Variants in ANKRD28 observed in about 807,000 individuals in gnomAD.
The protein encoded by ANKRD28 is serine/threonine-protein phosphatase 6 regulatory ankyrin repeat subunit A.
ANKRD28 carries 44 observed loss-of-function variants against 126.5 expected under a neutral mutation model. That is an observed-to-expected ratio of 0.35 (90% CI 0.27 to 0.45). The LOEUF (loss-of-function observed/expected upper bound fraction) is 0.45, where lower values mean the gene tolerates loss of function less well. Among genes scored for constraint, ANKRD28 ranks in the 20% least tolerant of loss-of-function variants. ANKRD28 has a pLI of 1.00. For synonymous variants in ANKRD28, 442 were observed against 468.5 expected (o/e 0.94, Z 0.73); for missense variants, 1,110 against 1,316.6 (o/e 0.84, Z 2.43).
chr3:15,819,639 A>C (rs1458039035), intron 1 of ANKRD28, among the ~76,000 whole-genome samples: 2 of 152,242 alleles, frequency 1.3e-5, no homozygotes, highest in Non-Finnish European at 2.9e-5. Context: ...TATTCCTTGT[A>C]AATCATGAAC....
At chr3:15,694,392 C>T (rs1260699892) in intron 17 of ANKRD28, among the ~76,000 whole-genome samples, 1 of 152,086 alleles carries the variant, frequency 6.6e-6, no homozygotes, top group Admixed American at 6.5e-5. Flanking sequence ...ATCTGCTTAG[C>T]CAACTTATAA....
Position 15,797,514 on chromosome 3 carries a change from A to C in ANKRD28, c.-993T>G, listed in dbSNP as rs2060330720. ...ACAAGCAGGCTGTGAAGGAATTAGA[A>C]GGCATTTGAGCTCAAATTACTGCTT... On this transcript the variant is annotated 5_prime_UTR_variant, in exon 1 of 28. Coordinates refer to ENST00000683139, the MANE Select transcript of ANKRD28 (RefSeq NM_001349278.2). The C allele has an allele frequency of 6.1e-6, 6 of 985,196 alleles. No homozygotes were observed. Among genetic ancestry groups the C allele is most frequent in the Non-Finnish European group, 7.2e-6 (6 of 829,910 alleles). The allele number at this position is 985,196 out of a possible 1,614,324, so 61.0% of individuals were successfully genotyped here. A position where few individuals can be genotyped will look rare whatever the true frequency, so the allele number is the denominator to read the frequency against.
intron 18 of ANKRD28, among the ~76,000 whole-genome samples, chr3:15,689,160 T>C (rs1220376468): frequency 6.6e-6 from 1 of 152,204 alleles, no homozygotes; most frequent in African/African-American, 2.4e-5. Flanking sequence ...GTAATCTCCT[T>C]GGGTCTGGAA....
chr3:15,762,146 C>T (rs2058490660), intron 3 of ANKRD28, among the ~76,000 whole-genome samples: 1 of 137,878 alleles, frequency 7.3e-6, no homozygotes, highest in Non-Finnish European at 1.6e-5. Flanking sequence ...AGAGATGGTG[C>T]CACTGCCCTC....
rs1210582409 is a variant in ANKRD28, at chr3:15,815,235, C to G, written c.28-19929G>C. 6.6e-6 allele frequency among the ~76,000 whole-genome samples: 1 copy of G among 152,098 alleles called. No homozygotes were observed. The highest frequency in any genetic ancestry group is 1.5e-5 in the Non-Finnish European group (1 of 68,006). ...TAAAAAATTATGGAGCCATAATTCT[C>G]AAGTGCAATGACCTAGAAAGAACAA... On this transcript the variant is annotated intron_variant, in intron 1 of 27. Transcript: ENST00000399451. The surrounding 1 kb of genome is among the most constrained non-coding windows in gnomAD (Gnocchi z 4.1).
chr3:15,835,083 G>C (rs2061293675), intron 1 of ANKRD28, among the ~76,000 whole-genome samples: 1 of 152,164 alleles, frequency 6.6e-6, no homozygotes, highest in African/African-American at 2.4e-5. Context: ...GGGAGATGGA[G>C]GTTGCAGTGA....
rs530691852 is a variant in ANKRD28, at chr3:15,817,609, G to A, written c.28-22303C>T. On this transcript the variant is annotated intron_variant, in intron 1 of 27. Transcript: ENST00000399451. This position sits in a 1 kb window ranked among gnomAD's most constrained non-coding sequence, Gnocchi z 4.5. Reference sequence around the variant, plus strand: ...ATGAGGAAAACTGGAGGGCAACCTAGTAAATAAAATTAACTAAGATTCCTT... The same window carrying A: ...ATGAGGAAAACTGGAGGGCAACCTAATAAATAAAATTAACTAAGATTCCTT... Among the ~76,000 whole-genome samples the A allele has an allele frequency of 4.6e-5, 7 of 152,230 alleles. No individual in the cohort carries two copies. In the South Asian group the frequency reaches 1.5e-3, roughly 32 times the overall value.
At chr3:15,678,394 A>C (rs1473385118) in intron 23 of ANKRD28, 40 bp from the exon 24 acceptor site, 9 of 1,546,008 alleles carry the variant, frequency 5.8e-6, no homozygotes, top group Non-Finnish European at 7.9e-6. Flanking sequence ...CTAAATTTGA[A>C]TGTTATATAT....
chr3:15,782,242 G>C (rs2059573072), intron 2 of ANKRD28, among the ~76,000 whole-genome samples: 1 of 152,076 alleles, frequency 6.6e-6, no homozygotes, highest in East Asian at 1.9e-4. Flanking sequence ...AGCCAGTTAG[G>C]GAAAACTAAT....
chr3:15,683,543 A>C (rs2067767836), intron 21 of ANKRD28, among the ~76,000 whole-genome samples: 1 of 152,212 alleles, frequency 6.6e-6, no homozygotes, highest in Non-Finnish European at 1.5e-5. Flanking sequence ...AAAAACAAAG[A>C]GACTAAACTA....
At chr3:15,792,899 G>C (rs2060101785) in intron 2 of ANKRD28, among the ~76,000 whole-genome samples, 1 of 152,018 alleles carries the variant, frequency 6.6e-6, no homozygotes, top group Non-Finnish European at 1.5e-5. Context: ...TATTAGGTGT[G>C]TTACTAAGAA....
rs941454965 is a variant in ANKRD28 at position 15,695,183 on chromosome 3, C to T, written c.1686+5G>A. 1.1e-5 allele frequency: 17 copies of T among 1,594,016 alleles called. No individual in the cohort carries two copies. The highest frequency in any genetic ancestry group is 1.3e-5 in the African/African-American group (1 of 74,604). On this transcript the variant is annotated splice_donor_5th_base_variant and intron_variant, in intron 16 of 27. Transcript: ENST00000683139. ...ATTGGTGGGAGGGAATTGACTAATA[C>T]TTACAACATCTAGAGGAGTTTCACT...
rs547748685 is a variant in ANKRD28 at position 15,745,085 on chromosome 3, G to T, written c.351+6665C>A. On this transcript the variant is annotated intron_variant, in intron 4 of 27. Transcript: ENST00000683139. Reference sequence around the variant, plus strand: ...CCTTAGCCCACTTTTTGATGGGATTGTTTTTTTCTTGCTGATTTGTTTGAG... The same window carrying T: ...CCTTAGCCCACTTTTTGATGGGATTTTTTTTTTCTTGCTGATTTGTTTGAG... Among the ~76,000 whole-genome samples, 31 of 152,040 alleles carry T rather than the reference G, an allele frequency of 2.0e-4. No individual in the cohort carries two copies. In the South Asian group the frequency reaches 6.2e-3, roughly 31 times the overall value.
intron 5 of ANKRD28, among the ~76,000 whole-genome samples, chr3:15,736,144 C>T (rs2075000694): frequency 6.6e-6 from 1 of 152,128 alleles, no homozygotes; most frequent in Non-Finnish European, 1.5e-5. Flanking sequence ...CTGCTGTCAA[C>T]CATAGTCTGA....
At chr3:15,795,399 C>A in intron 1 of ANKRD28, 93 bp from the exon 2 acceptor site, 2 of 836,624 alleles carry the variant, frequency 2.4e-6, no homozygotes, top group Non-Finnish European at 1.9e-6. Flanking sequence ...AAGTTTTCTT[C>A]CCTGTAGCAA....
chr3:15,694,880 C>T (rs2069315949), intron 16 of ANKRD28, 67 bp from the exon 17 acceptor site: 1 of 1,401,998 alleles, frequency 7.1e-7, no homozygotes, highest in East Asian at 2.3e-5. Context: ...TCCCACCCAC[C>T]CAGTTCAAAT....
intron 1 of ANKRD28, among the ~76,000 whole-genome samples, chr3:15,832,218 T>C (rs1258757956): frequency 1.3e-5 from 2 of 152,198 alleles, no homozygotes; most frequent in Non-Finnish European, 2.9e-5. Context: ...AGGAAGAAAT[T>C]TCTCTGCATT....
intron 27 of ANKRD28, among the ~76,000 whole-genome samples, chr3:15,672,221 T>C (rs2066445976): frequency 6.6e-6 from 1 of 151,542 alleles, no homozygotes; most frequent in Admixed American, 6.6e-5. Flanking sequence ...TCATGCTCAC[T>C]GCACCCTCAA....
chr3:15,672,895 C>A (rs1171554949), intron 27 of ANKRD28, among the ~76,000 whole-genome samples: 1 of 152,244 alleles, frequency 6.6e-6, no homozygotes. Context: ...CTTGCCTCAG[C>A]CTCCCAAGTA....
Sources: allele counts gnomAD v4.1 joint callset (sites outside exome capture counted in the v4.1 genomes callset), GRCh38; gene constraint gnomAD v4.1.1; non-coding constraint Gnocchi (gnomAD v3.1); transcripts MANE v1.5; gene names NCBI Gene and HGNC (gene_info 2026-07-23, HGNC 2026-07-21).